PPM1L: variants seen among roughly 807,000 people sequenced by gnomAD.
PPM1L encodes the protein protein phosphatase, Mg2+/Mn2+ dependent 1L.
Under a neutral mutation model 31.4 loss-of-function variants are expected in PPM1L, and 13 were observed. That is an observed-to-expected ratio of 0.41 (90% confidence interval 0.27 to 0.66). The LOEUF is 0.66. Among genes scored for constraint, PPM1L ranks in the 30% least tolerant of loss-of-function variants. The probability of loss-of-function intolerance (pLI) is 0.29; values close to 1 mark genes in which losing one functional copy is unlikely to be tolerated. For synonymous variants in PPM1L, 184 were observed against 175.4 expected (o/e 1.05, Z -0.39); for missense variants, 326 against 453.7 (o/e 0.72, Z 2.56).
intron 2 of PPM1L, among the ~76,000 whole-genome samples, chr3:161,030,180 A>G (rs891617939): frequency 6.6e-6 from 1 of 152,208 alleles, no homozygotes; most frequent in Non-Finnish European, 1.5e-5. Context: ...ACTTAGTCAC[A>G]AAAGTTAGTA....
In PPM1L at chr3:161,041,257, C is replaced by T. The variant is rs553075108; in HGVS notation, c.575-24146C>T. On this transcript the variant is annotated intron_variant, in intron 2 of 3. Transcript: ENST00000498165. Reference sequence around the variant, plus strand: ...GATGCCTCCCCCCACTGGCCCCGCCCTGGCTTTGAGTTGTCCTGCCTTTCT... The same window carrying T: ...GATGCCTCCCCCCACTGGCCCCGCCTTGGCTTTGAGTTGTCCTGCCTTTCT... 7.9e-5 allele frequency among the ~76,000 whole-genome samples: 12 copies of T among 152,328 alleles called. No homozygotes were observed. The East Asian group carries it at 2.3e-3, about 29-fold the overall frequency.
At chr3:160,875,223 T>A (rs534546901) in intron 1 of PPM1L, among the ~76,000 whole-genome samples, 1 of 152,384 alleles carries the variant, frequency 6.6e-6, no homozygotes, top group Admixed American at 6.5e-5. Flanking sequence ...ATATGGAATG[T>A]ACTTATTTAT....
chr3:160,933,968 C>T (rs770639338), intron 1 of PPM1L, among the ~76,000 whole-genome samples: 2 of 152,168 alleles, frequency 1.3e-5, no homozygotes, highest in Non-Finnish European at 2.9e-5. Context: ...TACCATATGT[C>T]ATTAATCCTA....
chr3:160,758,935 G>A (rs528873225), intron 1 of PPM1L, among the ~76,000 whole-genome samples: 2 of 152,182 alleles, frequency 1.3e-5, no homozygotes, highest in South Asian at 2.1e-4. Context: ...ATCCCTTATC[G>A]TATGTAGCCA....
intron 1 of PPM1L, among the ~76,000 whole-genome samples, chr3:160,787,167 G>C (rs1165772925): frequency 3.3e-5 from 5 of 152,134 alleles, no homozygotes; most frequent in African/African-American, 4.8e-5. Context: ...TAAGCTCTTT[G>C]AGAAATCTCC....
chr3:160,928,069 A>G (rs936274067), intron 1 of PPM1L, among the ~76,000 whole-genome samples: 2 of 152,192 alleles, frequency 1.3e-5, no homozygotes, highest in African/African-American at 4.8e-5. Context: ...AATTAGATCT[A>G]TTTGCTCTAG....
chr3:161,016,430 A>T (rs914339603), intron 2 of PPM1L, among the ~76,000 whole-genome samples: 26 of 152,190 alleles, frequency 1.7e-4, no homozygotes, highest in African/African-American at 5.5e-4. Context: ...AGATTTCTAA[A>T]TTGGGTAAGT....
At chr3:160,936,481 A>G (rs1291283784) in intron 1 of PPM1L, among the ~76,000 whole-genome samples, 1 of 152,244 alleles carries the variant, frequency 6.6e-6, no homozygotes, top group Non-Finnish European at 1.5e-5. Flanking sequence ...TGAAGAATGT[A>G]TGCAACAGCT....
rs142021170 is a variant in PPM1L, at chr3:161,073,069, C to G, written c.*3912C>G. On this transcript the variant is annotated 3_prime_UTR_variant, in exon 4 of 4. Transcript: ENST00000498165. ...TAGTTAGCTGTAGAAATAATAGAAT[C>G]CAGTGTTTCCCAAAGTGTGTTCCAA... The G allele has an allele frequency of 1.8e-4, 27 of 152,274 alleles. No individual in the cohort carries two copies. The highest frequency in any genetic ancestry group is 6.3e-4 in the African/African-American group (26 of 41,564). 9.4% of individuals were successfully genotyped at this position (152,274 alleles called of 1,614,324 possible).
At chr3:161,007,037 C>T (rs916889779) in intron 2 of PPM1L, among the ~76,000 whole-genome samples, 1 of 152,194 alleles carries the variant, frequency 6.6e-6, no homozygotes, top group Non-Finnish European at 1.5e-5. Context: ...AATTACTTCT[C>T]TTACCATCCC....
At chr3:160,785,085 G>A (rs1181404093) in intron 1 of PPM1L, among the ~76,000 whole-genome samples, 1 of 152,130 alleles carries the variant, frequency 6.6e-6, no homozygotes, top group African/African-American at 2.4e-5. Flanking sequence ...GTTTTATCCA[G>A]TCCATTTTTT....
intron 1 of PPM1L, among the ~76,000 whole-genome samples, chr3:160,900,902 GT>G (rs1323965684): frequency 6.6e-6 from 1 of 152,098 alleles, no homozygotes; most frequent in Non-Finnish European, 1.5e-5. Flanking sequence ...TCAGTTCTTT[GT>G]CCTCACCTTT....
At chr3:160,986,289 G>T (rs1716962232) in intron 2 of PPM1L, among the ~76,000 whole-genome samples, 1 of 152,152 alleles carries the variant, frequency 6.6e-6, no homozygotes, top group Non-Finnish European at 1.5e-5. Flanking sequence ...TGAAGGAAGG[G>T]AACAGATTGA....
At chr3:160,810,357 A>G (rs55997050) in intron 1 of PPM1L, among the ~76,000 whole-genome samples, 13,939 of 152,114 alleles carry the variant, frequency 0.092, 980 homozygotes, top group African/African-American at 0.19. Flanking sequence ...GCCTGTATGT[A>G]TTTGCCCCTA....
At chr3:160,995,053 G>T (rs750840436) in intron 2 of PPM1L, among the ~76,000 whole-genome samples, 1 of 152,156 alleles carries the variant, frequency 6.6e-6, no homozygotes, top group Non-Finnish European at 1.5e-5. Context: ...TTTAAACAGC[G>T]TTATTAAAAG....
intron 2 of PPM1L, among the ~76,000 whole-genome samples, chr3:160,979,955 G>T (rs1372542960): frequency 6.6e-6 from 1 of 152,058 alleles, no homozygotes; most frequent in Non-Finnish European, 1.5e-5. Context: ...GTCAGAGAAG[G>T]TCAATAATAA....
Position 160,974,091 on chromosome 3 carries a change from A to T in PPM1L, c.574+12181A>T, listed in dbSNP as rs911213341. On this transcript the variant is annotated intron_variant, in intron 2 of 3. Transcript: ENST00000498165. ...CTGTGTCCATGTGATCTCATTGTTCAATTCCCACCTATGAGTGAGAATATG... is the reference window on the plus strand; with the variant it reads ...CTGTGTCCATGTGATCTCATTGTTCTATTCCCACCTATGAGTGAGAATATG... Among the ~76,000 whole-genome samples the T allele has an allele frequency of 6.3e-5, 8 of 127,456 alleles. 1 individual carries two copies. Among genetic ancestry groups the T allele is most frequent in the African/African-American group, 2.4e-4 (8 of 33,556 alleles). 83.6% of individuals were successfully genotyped at this position (127,456 alleles called of 152,430 possible).
At chr3:160,797,416 A>G (rs1305243423) in intron 1 of PPM1L, among the ~76,000 whole-genome samples, 2 of 152,154 alleles carry the variant, frequency 1.3e-5, no homozygotes, top group African/African-American at 4.8e-5. Flanking sequence ...ACACAACAAT[A>G]TTGAAATTAG....
intron 1 of PPM1L, among the ~76,000 whole-genome samples, chr3:160,820,490 C>A (rs1008966828): frequency 6.6e-6 from 1 of 152,018 alleles, no homozygotes; most frequent in Middle Eastern, 3.2e-3. Flanking sequence ...CTATTGATTT[C>A]ATTTCTTTGT....
Sources: allele counts gnomAD v4.1 joint callset (sites outside exome capture counted in the v4.1 genomes callset), GRCh38; gene constraint gnomAD v4.1.1; transcripts MANE v1.5; gene names NCBI Gene and HGNC (gene_info 2026-07-23, HGNC 2026-07-21).